Variants in PTK2 observed in about 807,000 individuals in gnomAD.
PTK2 encodes the protein protein tyrosine kinase 2.
A neutral mutation model predicts 150.1 loss-of-function variants in PTK2; 45 were observed. The observed-to-expected ratio is 0.30, with a 90% CI of 0.24 to 0.38. PTK2 has a LOEUF of 0.38. Ranked by LOEUF, PTK2 falls within the 10% of genes least tolerant of loss-of-function variation. The probability of loss-of-function intolerance (pLI) is 1.00; values close to 1 mark genes in which losing one functional copy is unlikely to be tolerated. For synonymous variants in PTK2, 432 were observed against 449.2 expected (o/e 0.96, Z 0.48); for missense variants, 919 against 1,307.3 (o/e 0.70, Z 4.58).
intron 14 of PTK2, among the ~76,000 whole-genome samples, chr8:140,775,626 G>A (rs542948439): frequency 1.3e-5 from 2 of 152,034 alleles, no homozygotes; most frequent in African/African-American, 4.8e-5. Context: ...CTATAGGTGT[G>A]AGCCACCATA....
intron 8 of PTK2, among the ~76,000 whole-genome samples, chr8:140,829,494 T>C (rs2100114009): frequency 6.6e-6 from 1 of 152,230 alleles, no homozygotes; most frequent in Non-Finnish European, 1.5e-5. Context: ...TTTAATCCTC[T>C]TATTAATCTC....
intron 20 of PTK2, among the ~76,000 whole-genome samples, chr8:140,741,462 AAAT>A (rs1014797661): frequency 5.9e-5 from 9 of 151,704 alleles, no homozygotes; most frequent in East Asian, 3.9e-4. Context: ...CTCAAAAAAA[AAAT>A]AATAATAATA....
At chr8:140,692,408 G>A (rs1383936077) in intron 26 of PTK2, among the ~76,000 whole-genome samples, 3 of 152,204 alleles carry the variant, frequency 2.0e-5, no homozygotes. Context: ...CCTGAGGTCA[G>A]GAGTTCAAGA....
chr8:140,923,878 T>C (rs1259484216), intron 2 of PTK2, among the ~76,000 whole-genome samples: 4 of 152,138 alleles, frequency 2.6e-5, no homozygotes, highest in Non-Finnish European at 5.9e-5. Flanking sequence ...ATTACAGCCA[T>C]AGGCCTCCTA....
intron 1 of PTK2, among the ~76,000 whole-genome samples, chr8:140,993,198 A>G (rs1379772733): frequency 6.6e-6 from 1 of 152,248 alleles, no homozygotes; most frequent in African/African-American, 2.4e-5. Context: ...GGTGAAAAAG[A>G]TAACTCCAAG....
chr8:140,765,304 C>A (rs893720542), intron 14 of PTK2: 3 of 152,098 alleles, frequency 2.0e-5, no homozygotes, highest in African/African-American at 7.2e-5. Context: ...TTCTGTGACG[C>A]CTTATTACTG....
At chr8:140,950,356 C>G (rs2100179162) in intron 1 of PTK2, among the ~76,000 whole-genome samples, 1 of 152,228 alleles carries the variant, frequency 6.6e-6, no homozygotes, top group South Asian at 2.1e-4. Context: ...CCACCTCGTT[C>G]CCCTCATCCA....
At chr8:140,691,957 T>C (rs902434800) in intron 26 of PTK2, among the ~76,000 whole-genome samples, 8 of 152,154 alleles carry the variant, frequency 5.3e-5, no homozygotes, top group Non-Finnish European at 1.2e-4. Context: ...CAACAGATAA[T>C]AAGAACCTTC....
At chr8:140,865,331 T>G (rs2100138677) in intron 4 of PTK2, among the ~76,000 whole-genome samples, 1 of 152,354 alleles carries the variant, frequency 6.6e-6, no homozygotes, top group Non-Finnish European at 1.5e-5. Context: ...CCCAAAGTGC[T>G]GGGATTATAG....
intron 15 of PTK2, among the ~76,000 whole-genome samples, chr8:140,762,126 A>G (rs2100069745): frequency 1.3e-5 from 2 of 152,280 alleles, no homozygotes; most frequent in Admixed American, 1.3e-4. Context: ...CAAGAGCCAA[A>G]TATTTTTACA....
intron 14 of PTK2, among the ~76,000 whole-genome samples, chr8:140,777,860 A>G (rs764110647): frequency 3.3e-5 from 5 of 152,218 alleles, no homozygotes; most frequent in Non-Finnish European, 5.9e-5. Context: ...AGAGTCAGGA[A>G]GCCTGACTAT....
At chr8:140,933,152 CCT>C (rs1173849311) in intron 1 of PTK2, among the ~76,000 whole-genome samples, 1 of 150,810 alleles carries the variant, frequency 6.6e-6, no homozygotes, top group Non-Finnish European at 1.5e-5. Context: ...CACATGGCCC[CCT>C]GACTTTTTAA....
At chr8:140,858,883 C>T (rs555186943) in intron 5 of PTK2, among the ~76,000 whole-genome samples, 2 of 152,060 alleles carry the variant, frequency 1.3e-5, no homozygotes, top group Non-Finnish European at 2.9e-5. Flanking sequence ...ATCAAATGAG[C>T]CACAGTCTCT....
chr8:140,799,169 A>C (rs2100093483), intron 12 of PTK2: 1 of 152,210 alleles, frequency 6.6e-6, no homozygotes, highest in African/African-American at 2.4e-5. Context: ...AGATACATAA[A>C]TAAAGGGTCC....
At chr8:140,861,274 A>C (rs1255556592) in intron 5 of PTK2, among the ~76,000 whole-genome samples, 1 of 152,220 alleles carries the variant, frequency 6.6e-6, no homozygotes, top group Non-Finnish European at 1.5e-5. Flanking sequence ...GCTTGAGCCC[A>C]GAAGTTCAAG....
rs371653470 is a variant in PTK2 at position 140,672,441 on chromosome 8, A to C, written c.2709+1857T>G. On this transcript the variant is annotated intron_variant, in intron 29 of 31. Transcript: ENST00000522684. Reference sequence around the variant, plus strand: ...GTCTTTAACAGAACTGTCAGGAGGCATCCTGGGGCTTGGAGGCCTGGTGAA... The same window carrying C: ...GTCTTTAACAGAACTGTCAGGAGGCCTCCTGGGGCTTGGAGGCCTGGTGAA... Among the ~76,000 whole-genome samples the C allele has an allele frequency of 2.7e-4, 41 of 152,340 alleles. 2 individuals carry two copies. The highest frequency in any genetic ancestry group is 9.6e-4 in the African/African-American group (40 of 41,586).
chr8:140,688,131 G>C (rs1436461958), intron 26 of PTK2, among the ~76,000 whole-genome samples: 1 of 152,192 alleles, frequency 6.6e-6, no homozygotes, highest in Non-Finnish European at 1.5e-5. Flanking sequence ...CTAATAATCA[G>C]AGGCATCCTG....
chr8:140,809,575 TG>T (rs1443242149), intron 10 of PTK2, among the ~76,000 whole-genome samples: 1 of 152,050 alleles, frequency 6.6e-6, no homozygotes. Flanking sequence ...GAGGCTGGGG[TG>T]GGCAGATTAC....
intron 2 of PTK2, among the ~76,000 whole-genome samples, chr8:140,902,124 C>G (rs2100158733): frequency 6.6e-6 from 1 of 151,974 alleles, no homozygotes. Context: ...GCCTCTGACC[C>G]CCGGGTTCCA....
Sources: allele counts gnomAD v4.1 joint callset (sites outside exome capture counted in the v4.1 genomes callset), GRCh38; gene constraint gnomAD v4.1.1; transcripts MANE v1.5; gene names NCBI Gene and HGNC (gene_info 2026-07-23, HGNC 2026-07-21).